The following BPIFC variants were observed in gnomAD, a reference collection of about 807,000 sequenced individuals.
BPIFC encodes BPI fold-containing family C protein.
BPIFC carries 60 observed loss-of-function variants against 57.6 expected under a neutral mutation model. The ratio of observed to expected loss-of-function variants is 1.04; its 90% CI spans 0.85 to 1.29. BPIFC has a LOEUF of 1.29. Ranked by LOEUF, BPIFC falls within the 50% of genes most tolerant of loss-of-function variation. The pLI is 0.00. For synonymous variants in BPIFC, 243 were observed against 224.5 expected (o/e 1.08, Z -0.74); for missense variants, 581 against 600.5 (o/e 0.97, Z 0.34).
At chr22:32,462,184 A>AAAAAAAG (rs1568964081) in intron 1 of BPIFC, among the ~76,000 whole-genome samples, 8 of 145,684 alleles carry the variant, frequency 5.5e-5, no homozygotes, top group Admixed American at 3.4e-4. Flanking sequence ...AAAAAAAAAA[A>AAAAAAAG]AAAAAAGAAA....
At chr22:32,431,442 A>G (rs773384430) in intron 12 of BPIFC, 28 bp from the exon 13 acceptor site, 2 of 1,217,748 alleles carry the variant, frequency 1.6e-6, no homozygotes. Context: ...ATTTATTATT[A>G]AGACGAGTGA....
intron 16 of BPIFC, among the ~76,000 whole-genome samples, chr22:32,415,213 A>C (rs921564585): frequency 6.6e-6 from 1 of 152,080 alleles, no homozygotes; most frequent in Non-Finnish European, 1.5e-5. Flanking sequence ...TAGGAGGTGG[A>C]GCTCAGGCAG....
At chr22:32,430,992 G>A (rs772594668) in intron 13 of BPIFC, among the ~76,000 whole-genome samples, 5 of 151,864 alleles carry the variant, frequency 3.3e-5, no homozygotes, top group Non-Finnish European at 5.9e-5. Context: ...TTATTTTTAT[G>A]TTACTATAAT....
intron 3 of BPIFC, among the ~76,000 whole-genome samples, chr22:32,453,944 A>AC (rs35118395): frequency 0.22 from 20,611 of 92,826 alleles, 1,733 homozygotes; most frequent in Non-Finnish European, 0.3. Flanking sequence ...AACAACAACA[A>AC]AAAAAAAAAT....
intron 8 of BPIFC, among the ~76,000 whole-genome samples, chr22:32,440,313 T>A (rs568824780): frequency 0.019 from 2,851 of 151,876 alleles, 93 homozygotes; most frequent in African/African-American, 0.064. Flanking sequence ...TAAAAAAAAA[T>A]TTTTTTTATA....
At chr22:32,460,039 T>A (rs559640126) in intron 2 of BPIFC, among the ~76,000 whole-genome samples, 88 of 151,968 alleles carry the variant, frequency 5.8e-4, no homozygotes, top group Non-Finnish European at 1.1e-3. Context: ...GAGGTTTGAT[T>A]AAGGGGGGTG....
intron 10 of BPIFC, among the ~76,000 whole-genome samples, chr22:32,434,395 CTA>C (rs1934335377): frequency 6.7e-6 from 1 of 148,484 alleles, no homozygotes; most frequent in African/African-American, 2.5e-5. Context: ...ATATTACAAT[CTA>C]TGTGTACATA....
At chr22:32,450,248 T>C (rs1347632743) in intron 4 of BPIFC, among the ~76,000 whole-genome samples, 1 of 152,324 alleles carries the variant, frequency 6.6e-6, no homozygotes, top group East Asian at 1.9e-4. Flanking sequence ...TACCATTGTA[T>C]TACAATTGCT....
At chr22:32,429,180 A>G (rs1934157509) in intron 13 of BPIFC, among the ~76,000 whole-genome samples, 1 of 150,262 alleles carries the variant, frequency 6.7e-6, no homozygotes, top group South Asian at 2.1e-4. Flanking sequence ...TCTTGAAAAC[A>G]TTTTCCATGT....
chr22:32,444,183 C>T (rs958418059), intron 7 of BPIFC, among the ~76,000 whole-genome samples: 4 of 152,158 alleles, frequency 2.6e-5, no homozygotes, highest in Non-Finnish European at 4.4e-5. Flanking sequence ...GACCGTGCCT[C>T]GTTTCAAACA....
At chr22:32,418,983 A>C (rs1178639113) in intron 14 of BPIFC, among the ~76,000 whole-genome samples, 1 of 152,052 alleles carries the variant, frequency 6.6e-6, no homozygotes, top group Non-Finnish European at 1.5e-5. Flanking sequence ...AAACCTAATC[A>C]TGGCTTAATA....
At chr22:32,447,607 CT>C (rs11375413) in intron 4 of BPIFC, among the ~76,000 whole-genome samples, 405 of 132,780 alleles carry the variant, frequency 3.1e-3, no homozygotes, top group African/African-American at 5.9e-3. Flanking sequence ...CTCTCGCTCT[CT>C]TTTTTTTTTT....
chr22:32,417,077 T>A lies in BPIFC; in HGVS notation c.1324+8A>T. 6.3e-7 allele frequency: 1 copy of A among 1,586,204 alleles called. No individual in the cohort carries two copies. Among genetic ancestry groups the A allele is most frequent in the African/African-American group, 1.3e-5 (1 of 74,330 alleles). ...TTACAGTCACATTGTTTTCCAATAA[T>A]CCCTTACCATTGGCCAGTGGGAGGA... On this transcript the variant is annotated splice_region_variant and intron_variant, in intron 15 of 16. Transcript: ENST00000300399.
chr22:32,449,260 C>G lies in BPIFC; in HGVS notation c.246-1920G>C, dbSNP rs555476359. Among the ~76,000 whole-genome samples the G allele has an allele frequency of 3.9e-5, 6 of 152,228 alleles. No homozygotes were observed. In the East Asian group the frequency reaches 7.7e-4, roughly 20 times the overall value. Reference sequence around the variant, plus strand: ...ACCAGCTGTAAAAACTTGGGCAAGGCGCTTAACCAGATTCAATCACTCAAA... The same window carrying G: ...ACCAGCTGTAAAAACTTGGGCAAGGGGCTTAACCAGATTCAATCACTCAAA... On this transcript the variant is annotated intron_variant, in intron 4 of 16. Transcript: ENST00000300399.
At chr22:32,436,483 A>G (rs1480481269) in intron 9 of BPIFC, among the ~76,000 whole-genome samples, 1 of 152,094 alleles carries the variant, frequency 6.6e-6, no homozygotes, top group Non-Finnish European at 1.5e-5. Flanking sequence ...GAGGAAGAAG[A>G]AGAAGAAGAA....
intron 13 of BPIFC, 122 bp from the exon 14 acceptor site, chr22:32,419,526 G>A: frequency 1.0e-6 from 1 of 980,144 alleles, no homozygotes; most frequent in East Asian, 2.6e-5. Flanking sequence ...ACACAAGGCT[G>A]GGCATGGTGG....
chr22:32,426,627 C>T (rs1355753421), intron 13 of BPIFC, among the ~76,000 whole-genome samples: 1 of 152,208 alleles, frequency 6.6e-6, no homozygotes, highest in Non-Finnish European at 1.5e-5. Context: ...CACGGTGGCT[C>T]ACGCCTGTAA....
At chr22:32,451,641 A>G (rs1490161195) in intron 4 of BPIFC, among the ~76,000 whole-genome samples, 3 of 152,150 alleles carry the variant, frequency 2.0e-5, no homozygotes, top group Non-Finnish European at 4.4e-5. Flanking sequence ...GCACATGTAT[A>G]CATATGTAAC....
intron 5 of BPIFC, among the ~76,000 whole-genome samples, chr22:32,446,286 A>G (rs140941244): frequency 4.6e-5 from 7 of 152,322 alleles, no homozygotes; most frequent in Admixed American, 4.6e-4. Flanking sequence ...AGCACCCTTC[A>G]TATACAATGT....
Sources: allele counts gnomAD v4.1 joint callset (sites outside exome capture counted in the v4.1 genomes callset), GRCh38; gene constraint gnomAD v4.1.1; transcripts MANE v1.5; gene names NCBI Gene and HGNC (gene_info 2026-07-23, HGNC 2026-07-21).